RABGAP1L: variants seen among roughly 807,000 people sequenced by gnomAD.
RABGAP1L encodes the protein RAB GTPase activating protein 1 like, also known as rab GTPase-activating protein 1-like.
RABGAP1L carries 63 observed loss-of-function variants against 137.7 expected under a neutral mutation model. The ratio of observed to expected loss-of-function variants is 0.46; its 90% confidence interval spans 0.37 to 0.56. RABGAP1L has a LOEUF of 0.56. RABGAP1L is among the 20% of genes least tolerant of loss of function. The pLI is 0.00. For synonymous variants in RABGAP1L, 431 were observed against 433.7 expected, an observed-to-expected ratio of 0.99 and a Z score of 0.08; for missense variants, 1,095 against 1,244.0, an observed-to-expected ratio of 0.88 and a Z score of 1.80.
intron 13 of RABGAP1L, among the ~76,000 whole-genome samples, chr1:174,394,949 GTTT>G (rs200599515): frequency 6.3e-5 from 9 of 142,938 alleles, no homozygotes; most frequent in Middle Eastern, 3.4e-3. Flanking sequence ...GCTGAATTCA[GTTT>G]TTTTTTTTTA....
At chr1:174,651,596 T>C (rs562712204) in intron 14 of RABGAP1L, among the ~76,000 whole-genome samples, 1 of 152,296 alleles carries the variant, frequency 6.6e-6, no homozygotes, top group African/African-American at 2.4e-5. Flanking sequence ...GTAATGGCCT[T>C]CTTTGTCTCT....
In RABGAP1L at chr1:174,432,101, A is replaced by G. The variant is rs1410826957; in HGVS notation, c.1710+37956A>G. The stretch of plus-strand genomic sequence containing the variant: ...TAGTACCCATAGTTTTTTAAGCCTT[A>G]CTTTCCTCTCTCCTTCCTAACTCTA... On this transcript the variant is annotated intron_variant, in intron 13 of 25. Transcript: ENST00000681986. 2.0e-5 allele frequency among the ~76,000 whole-genome samples: 3 copies of G among 152,190 alleles called. No homozygotes were observed. The East Asian group carries it at 5.8e-4, about 29-fold the overall frequency.
chr1:174,437,513 T>G (rs1390950176), intron 13 of RABGAP1L, among the ~76,000 whole-genome samples: 2 of 151,894 alleles, frequency 1.3e-5, no homozygotes, highest in African/African-American at 2.4e-5. Context: ...AAGAGAAGTT[T>G]AGAGAAAAAA....
intron 20 of RABGAP1L, chr1:174,964,675 A>G: frequency 1.7e-6 from 1 of 583,232 alleles, no homozygotes; most frequent in Non-Finnish European, 2.5e-6. Flanking sequence ...ACAGCATTTT[A>G]GTCATTCATG....
chr1:174,637,006 A>G (rs116218344), intron 13 of RABGAP1L, among the ~76,000 whole-genome samples: 156 of 152,334 alleles, frequency 1.0e-3, no homozygotes, highest in African/African-American at 3.6e-3. Context: ...AACCACTCCT[A>G]CAGAGAATAA....
chr1:174,283,236 G>T (rs1027877830), intron 10 of RABGAP1L, among the ~76,000 whole-genome samples: 1 of 151,514 alleles, frequency 6.6e-6, no homozygotes, highest in African/African-American at 2.4e-5. Flanking sequence ...GACTCAGTTT[G>T]TAAAAAAAAG....
Position 174,978,817 on chromosome 1 carries a change from T to A in RABGAP1L, c.2660T>A (p.Val887Asp), listed in dbSNP as rs777466797. The A allele has an allele frequency of 1.3e-6, 2 of 1,534,790 alleles. No individual in the cohort carries two copies. Among genetic ancestry groups the A allele is most frequent in the African/African-American group, 2.8e-5 (2 of 71,806 alleles). ...TTCTATTCTTTCTAGCTAAAAGAAG[T>A]CTTCAGGAAACAGCTAGAGAAGGCA... ...QEEETAQLKEVFRKQLEKAEY... is the reference protein window; with the variant it reads ...QEEETAQLKEDFRKQLEKAEY... Residue 887 changes from valine to aspartate, a missense_variant, in exon 23 of 26, where the codon GTC becomes GAC. Around this residue, in one of 4 missense-constraint regions of RABGAP1L, gnomAD observed 312 missense variants for 435.6 expected, o/e 0.72. Coordinates refer to ENST00000681986, the MANE Select transcript of RABGAP1L (RefSeq NM_001366446.1).
Position 174,546,947 on chromosome 1 carries a change from G to A in RABGAP1L, c.1711-90428G>A, listed in dbSNP as rs371032305. ...TGGGAGGCTGAGGCAGGAGAATGGCGTGAACCCGGGAGGCGGAGCTTGCAG... is the reference window on the plus strand; with the variant it reads ...TGGGAGGCTGAGGCAGGAGAATGGCATGAACCCGGGAGGCGGAGCTTGCAG... On this transcript the variant is annotated intron_variant, in intron 13 of 25. Transcript: ENST00000681986. Among the ~76,000 whole-genome samples the A allele has an allele frequency of 1.8e-4, 25 of 142,594 alleles. No homozygotes were observed. The East Asian group carries it at 4.8e-3, about 27-fold the overall frequency. 93.5% of individuals were successfully genotyped at this position (142,594 alleles called of 152,430 possible).
chr1:174,343,271 T>C (rs1220608620), intron 11 of RABGAP1L, among the ~76,000 whole-genome samples: 1 of 152,218 alleles, frequency 6.6e-6, no homozygotes, highest in Non-Finnish European at 1.5e-5. Flanking sequence ...ATTACAAATA[T>C]ACAAATAGTA....
At chr1:174,273,134 T>C (rs1024016208) in intron 8 of RABGAP1L, among the ~76,000 whole-genome samples, 1 of 152,080 alleles carries the variant, frequency 6.6e-6, no homozygotes, top group Non-Finnish European at 1.5e-5. Context: ...TAAAGTTTCT[T>C]AGTGAACTGA....
intron 13 of RABGAP1L, among the ~76,000 whole-genome samples, chr1:174,578,338 C>T (rs969491920): frequency 5.9e-5 from 9 of 152,132 alleles, no homozygotes; most frequent in Non-Finnish European, 1.2e-4. Flanking sequence ...GTGCACAGTA[C>T]TATGCCCTGC....
Position 174,978,864 on chromosome 1 carries a change from AC to A in RABGAP1L, c.2708del (p.Thr903LysfsTer14). The A allele has an allele frequency of 6.5e-7, 1 of 1,545,676 alleles. No individual in the cohort carries two copies. Among genetic ancestry groups the A allele is most frequent in the Non-Finnish European group, 8.7e-7 (1 of 1,145,356 alleles). On this transcript the variant is annotated frameshift_variant, in exon 23 of 26. Coordinates refer to ENST00000681986, the MANE Select transcript of RABGAP1L (RefSeq NM_001366446.1). LOFTEE classifies it high-confidence loss of function. ...GGCAGAATATGAAATAAAGAAGACTACAGCTATCATTGCTGAGTATAAACAG... is the reference window on the plus strand; with the variant it reads ...GGCAGAATATGAAATAAAGAAGACTAAGCTATCATTGCTGAGTATAAACAG... The part of the protein sequence containing the change: ...EKAEYEIKKT[T>X]AIIAEYKQIC...
intron 19 of RABGAP1L, among the ~76,000 whole-genome samples, chr1:174,849,319 A>G (rs1468162610): frequency 6.6e-6 from 1 of 152,012 alleles, no homozygotes; most frequent in Non-Finnish European, 1.5e-5. Flanking sequence ...AAACACCTAA[A>G]CTGGACAGTA....
Position 174,278,779 on chromosome 1 carries a change from G to T in RABGAP1L, c.1323G>T (p.Gln441His). The T allele has an allele frequency of 6.5e-7, 1 of 1,531,026 alleles. No homozygotes were observed. Among genetic ancestry groups the T allele is most frequent in the Non-Finnish European group, 8.7e-7 (1 of 1,145,962 alleles). The allele number at this position is 1,531,026 out of a possible 1,614,324, so 94.8% of individuals were successfully genotyped here. The change falls in exon 10 of 26, where the codon CAG becomes CAT. Residue 441 changes from glutamine to histidine, a missense_variant and splice_region_variant. Transcript: ENST00000681986. Reference sequence around the variant, plus strand: ...AGACTTTCTTCATGAGATTGAAACAGGTAGGACCTTTTTGTTCTCTTCATA... The same window carrying T: ...AGACTTTCTTCATGAGATTGAAACATGTAGGACCTTTTTGTTCTCTTCATA... ...FTETFFMRLK[Q>H]SEGKGHTNAG...
chr1:174,451,756 A>G (rs866299978), intron 13 of RABGAP1L, among the ~76,000 whole-genome samples: 64 of 151,948 alleles, frequency 4.2e-4, no homozygotes, highest in African/African-American at 1.5e-3. Flanking sequence ...TTGTCTTGTG[A>G]TATCTTTTTC....
intron 14 of RABGAP1L, among the ~76,000 whole-genome samples, chr1:174,672,283 T>TTC (rs1486536060): frequency 8.4e-5 from 5 of 59,480 alleles, no homozygotes; most frequent in Non-Finnish European, 1.4e-4. Flanking sequence ...TTTCCTTTCT[T>TTC]TTTTTTTTTT....
chr1:174,368,091 G>A (rs921712009), intron 11 of RABGAP1L: 1 of 152,326 alleles, frequency 6.6e-6, no homozygotes, highest in Non-Finnish European at 1.5e-5. Context: ...AGAGTTGGAG[G>A]CCTGCCATCT....
At position 174,683,566 on chromosome 1, in the gene RABGAP1L, G is replaced by T. The variant is rs768472391; in HGVS notation, c.1869G>T (p.Gln623His). Residue 623 changes from glutamine to histidine, a missense_variant, in exon 15 of 26, where the codon CAG becomes CAT. Transcript: ENST00000681986. ...AAGACATTGGGTACTGTCAAGGGCA[G>T]TCTTTTCTTGCTGCTGTATTACTGC... ...YDEDIGYCQG[Q>H]SFLAAVLLLH... 3.7e-6 allele frequency: 6 copies of T among 1,609,386 alleles called. No homozygotes were observed. In the African/African-American group the frequency reaches 8.0e-5, roughly 22 times the overall value.
intron 14 of RABGAP1L, among the ~76,000 whole-genome samples, chr1:174,673,502 A>T (rs897422266): frequency 6.6e-6 from 1 of 152,204 alleles, no homozygotes; most frequent in Non-Finnish European, 1.5e-5. Context: ...ACCTGAGATG[A>T]GCTATTTTCT....
Sources: gnomAD v4.1 joint callset for allele counts (sites outside exome capture counted in the v4.1 genomes callset) on GRCh38, gnomAD v4.1.1 for gene constraint, gnomAD v4.1.1 regional missense constraint, MANE v1.5 for transcripts, NCBI Gene and HGNC (gene_info 2026-07-23, HGNC 2026-07-21) for gene names.